The following MAPKAP1 variants were observed in gnomAD, a reference collection of about 807,000 sequenced individuals.
The protein encoded by MAPKAP1 is target of rapamycin complex 2 subunit MAPKAP1.
Under a neutral mutation model 65.7 loss-of-function variants are expected in MAPKAP1, and 20 were observed. That is an observed-to-expected ratio of 0.30 (90% CI 0.21 to 0.44). The LOEUF is 0.44. Among genes scored for constraint, MAPKAP1 ranks in the 20% least tolerant of loss-of-function variants. The probability of loss-of-function intolerance (pLI) is 1.00; values close to 1 mark genes in which losing one functional copy is unlikely to be tolerated. For synonymous variants in MAPKAP1, 222 were observed against 244.3 expected (o/e 0.91, Z 0.85); for missense variants, 423 against 648.0 (o/e 0.65, Z 3.77).
chr9:125,546,803 G>C (rs970286043), intron 6 of MAPKAP1, among the ~76,000 whole-genome samples: 1 of 152,038 alleles, frequency 6.6e-6, no homozygotes, highest in Non-Finnish European at 1.5e-5. Context: ...GAGCTGTGGC[G>C]GGGTGATCAG....
chr9:125,594,610 G>A (rs1047741584), intron 4 of MAPKAP1, among the ~76,000 whole-genome samples: 1 of 152,128 alleles, frequency 6.6e-6, no homozygotes, highest in Non-Finnish European at 1.5e-5. Flanking sequence ...GGTAGAAGAC[G>A]AAATAAATTC....
chr9:125,614,743 T>A (rs963994944), intron 4 of MAPKAP1, among the ~76,000 whole-genome samples: 5 of 152,212 alleles, frequency 3.3e-5, no homozygotes, highest in South Asian at 2.1e-4. Context: ...ATTTAAAAAG[T>A]AATAATTATT....
intron 7 of MAPKAP1, chr9:125,512,884 CGTAT>C (rs1410152698): frequency 6.6e-6 from 1 of 151,082 alleles, no homozygotes; most frequent in Non-Finnish European, 1.5e-5. Context: ...TGCCCAGCCT[CGTAT>C]GTATATTTTT....
chr9:125,616,457 A>G (rs1295220163), intron 4 of MAPKAP1, among the ~76,000 whole-genome samples: 1 of 152,220 alleles, frequency 6.6e-6, no homozygotes, highest in African/African-American at 2.4e-5. Context: ...GCTACCCAAT[A>G]CATAAAAATG....
chr9:125,490,258 G>C (rs1022990716), intron 8 of MAPKAP1, among the ~76,000 whole-genome samples: 1 of 152,146 alleles, frequency 6.6e-6, no homozygotes, highest in Admixed American at 6.5e-5. Context: ...TAAAAAGCTT[G>C]GCTGGGCGCA....
At chr9:125,454,199 TG>T (rs1221768723) in intron 10 of MAPKAP1, among the ~76,000 whole-genome samples, 1 of 152,272 alleles carries the variant, frequency 6.6e-6, no homozygotes, top group Non-Finnish European at 1.5e-5. Context: ...GAGGGCCTTT[TG>T]ACGCTTCAAT....
intron 4 of MAPKAP1, among the ~76,000 whole-genome samples, chr9:125,600,349 T>C (rs904726381): frequency 9.9e-5 from 15 of 152,218 alleles, no homozygotes; most frequent in Non-Finnish European, 1.6e-4. Flanking sequence ...TTCTGTTTGC[T>C]GAGTCAACTG....
intron 3 of MAPKAP1, among the ~76,000 whole-genome samples, chr9:125,661,199 C>A (rs1208671943): frequency 1.3e-5 from 2 of 152,134 alleles, no homozygotes; most frequent in Non-Finnish European, 2.9e-5. Flanking sequence ...AGATTTGAGG[C>A]TCTGAGGACA....
intron 4 of MAPKAP1, among the ~76,000 whole-genome samples, chr9:125,645,809 CAT>C (rs896724940): frequency 7.3e-5 from 11 of 151,476 alleles, no homozygotes; most frequent in African/African-American, 2.7e-4. Flanking sequence ...ATAATCAACT[CAT>C]GTGAGACAAT....
In MAPKAP1 at chr9:125,625,268, A is replaced by T. The variant is rs868209726; in HGVS notation, c.498+32383T>A. ...AAAATAAATAAATAAAAAAAAAAAAAAAAAAAAAAAAACAAGGGAGAGAAT... is the reference window on the plus strand; with the variant it reads ...AAAATAAATAAATAAAAAAAAAAAATAAAAAAAAAAAACAAGGGAGAGAAT... On this transcript the variant is annotated intron_variant, in intron 4 of 11. Coordinates refer to ENST00000265960, the MANE Select transcript of MAPKAP1 (RefSeq NM_001006617.3). 7.5e-3 allele frequency among the ~76,000 whole-genome samples: 1,103 copies of T among 147,220 alleles called. 24 individuals are homozygous for T. The highest frequency in any genetic ancestry group is 0.026 in the African/African-American group (1,032 of 39,930).
intron 4 of MAPKAP1, among the ~76,000 whole-genome samples, chr9:125,634,169 T>G (rs1418267757): frequency 2.6e-5 from 4 of 152,228 alleles, no homozygotes; most frequent in Non-Finnish European, 1.5e-5. Flanking sequence ...CCTTCATTTT[T>G]AATTCTGTCA....
At chr9:125,629,252 C>T (rs114830095) in intron 4 of MAPKAP1, among the ~76,000 whole-genome samples, 104 of 152,270 alleles carry the variant, frequency 6.8e-4, no homozygotes, top group African/African-American at 2.4e-3. Context: ...TGGGTATACA[C>T]GCAAAAGAAC....
intron 4 of MAPKAP1, among the ~76,000 whole-genome samples, chr9:125,621,867 AAAG>A (rs1234284893): frequency 2.6e-5 from 4 of 152,230 alleles, no homozygotes; most frequent in Admixed American, 6.5e-5. Context: ...TTTATTTTTA[AAAG>A]AAGGAGAGTA....
chr9:125,549,658 C>G (rs556368033), intron 6 of MAPKAP1, among the ~76,000 whole-genome samples: 1 of 152,174 alleles, frequency 6.6e-6, no homozygotes, highest in South Asian at 2.1e-4. Context: ...AATGACTGCC[C>G]TCCGCCTTCT....
chr9:125,686,287 G>A (rs1401057543), intron 1 of MAPKAP1, among the ~76,000 whole-genome samples: 2 of 148,338 alleles, frequency 1.3e-5, no homozygotes, highest in Non-Finnish European at 3.0e-5. Flanking sequence ...ACTCCAGCCC[G>A]GGCAAAAGAA....
Position 125,506,397 on chromosome 9 carries a change from T to A in MAPKAP1, c.979A>T (p.Lys327Ter). The A allele has an allele frequency of 6.2e-7, 1 of 1,613,944 alleles. No homozygotes were observed. Among genetic ancestry groups the A allele is most frequent in the Non-Finnish European group, 8.5e-7 (1 of 1,179,994 alleles). Residue 327 changes from lysine to a stop codon, truncating the protein, a stop_gained, in exon 8 of 12, where the codon AAG (lysine) becomes TAG (stop). Transcript: ENST00000265960. LOFTEE classifies it high-confidence loss of function. ...KVSGPQYRLE[K>*]QSEPNVAVDL... The stretch of plus-strand genomic sequence containing the variant: ...ACGGCGACATTGGGCTCGCTCTGCT[T>A]CTCCAGGCGGTACTGAGGGCCTGGA...
At chr9:125,528,875 G>T (rs888684260) in intron 7 of MAPKAP1, among the ~76,000 whole-genome samples, 2 of 123,394 alleles carry the variant, frequency 1.6e-5, no homozygotes, top group East Asian at 2.6e-4. Context: ...AAAAAAAAAG[G>T]AAGGACTAGC....
At chr9:125,664,312 A>G (rs1429016972) in intron 3 of MAPKAP1, among the ~76,000 whole-genome samples, 3 of 151,854 alleles carry the variant, frequency 2.0e-5, no homozygotes, top group African/African-American at 7.3e-5. Context: ...ATGCTACTGC[A>G]CTCCAGCCTG....
intron 7 of MAPKAP1, among the ~76,000 whole-genome samples, chr9:125,524,365 A>G (rs1483820820): frequency 6.6e-6 from 1 of 152,272 alleles, no homozygotes; most frequent in African/African-American, 2.4e-5. Flanking sequence ...TAAATGAGAT[A>G]ACACATGTAA....
Sources: allele counts gnomAD v4.1 joint callset (sites outside exome capture counted in the v4.1 genomes callset), GRCh38; gene constraint gnomAD v4.1.1; transcripts MANE v1.5; gene names NCBI Gene and HGNC (gene_info 2026-07-23, HGNC 2026-07-21).